HDAC8: variants seen among roughly 807,000 people sequenced by gnomAD.
The protein encoded by HDAC8 is histone deacetylase 8.
A neutral mutation model predicts 32.2 loss-of-function variants in HDAC8; 1 was observed. That is an observed-to-expected ratio of 0.03 (90% confidence interval 0.01 to 0.15). HDAC8 has a LOEUF of 0.15. Among genes scored for constraint, HDAC8 ranks in the 10% least tolerant of loss-of-function variants. The probability of loss-of-function intolerance (pLI) is 1.00; values close to 1 mark genes in which losing one functional copy is unlikely to be tolerated. For missense variants in HDAC8, 117 were observed against 300.0 expected (o/e 0.39, Z 4.51); for synonymous variants, 108 against 113.9 (o/e 0.95, Z 0.33).
intron 9 of HDAC8, among the ~76,000 whole-genome samples, chrX:72,379,244 T>C (rs1430237694): frequency 7.2e-5 from 8 of 111,605 alleles, no homozygotes; most frequent in African/African-American, 2.3e-4. Flanking sequence ...TAAATTTTGG[T>C]ACATATTTAA....
intron 7 of HDAC8, among the ~76,000 whole-genome samples, chrX:72,478,550 AACACATTGCTTTTAGCCCCTGGCAC>A (rs2048402268): frequency 8.9e-6 from 1 of 111,907 alleles, no homozygotes; most frequent in Non-Finnish European, 1.9e-5. Context: ...CCTCCAGGCA[AACACATTGCTTTTAGCCCCTGGCAC>A]ACACACGTGC....
At chrX:72,566,325 C>A (rs782689047) in intron 4 of HDAC8, among the ~76,000 whole-genome samples, 18 of 111,594 alleles carry the variant, frequency 1.6e-4, no homozygotes, top group Non-Finnish European at 1.7e-4. Flanking sequence ...AACAAACAAA[C>A]AAACAAACAA....
chrX:72,405,719 C>G (rs1206823698), intron 9 of HDAC8, among the ~76,000 whole-genome samples: 1 of 112,312 alleles, frequency 8.9e-6, no homozygotes, highest in Non-Finnish European at 1.9e-5. Context: ...TTTCTGTCCT[C>G]CATGTCTTTT....
chrX:72,372,542 C>T (rs2044911617), intron 9 of HDAC8, among the ~76,000 whole-genome samples: 1 of 111,225 alleles, frequency 9.0e-6, no homozygotes, highest in South Asian at 3.8e-4. Flanking sequence ...CATCCTCACC[C>T]TAAATCAAAC....
At chrX:72,546,110 C>T (rs782449811) in intron 4 of HDAC8, among the ~76,000 whole-genome samples, 4 of 111,451 alleles carry the variant, frequency 3.6e-5, no homozygotes, top group Non-Finnish European at 7.5e-5. Context: ...TTGATTCTAA[C>T]TGCTGGGTGG....
intron 10 of HDAC8, among the ~76,000 whole-genome samples, chrX:72,347,259 G>T (rs1243409673): frequency 8.9e-6 from 1 of 111,820 alleles, no homozygotes; most frequent in Non-Finnish European, 1.9e-5. Context: ...CAGTTTGTTA[G>T]GTTGCCATCC....
At chrX:72,443,314 A>T (rs2047242415) in intron 9 of HDAC8, among the ~76,000 whole-genome samples, 1 of 110,597 alleles carries the variant, frequency 9.0e-6, no homozygotes, top group African/African-American at 3.3e-5. Flanking sequence ...ATGTAAAAGA[A>T]CAGAAATTAT....
At chrX:72,511,372 G>T (rs965298542) in intron 4 of HDAC8, among the ~76,000 whole-genome samples, 2 of 111,503 alleles carry the variant, frequency 1.8e-5, no homozygotes, top group African/African-American at 6.5e-5. Context: ...TCCTCCACAA[G>T]AAAAAGAACA....
chrX:72,461,149 G>T (rs2047856899), intron 9 of HDAC8, among the ~76,000 whole-genome samples: 1 of 112,046 alleles, frequency 8.9e-6, no homozygotes, highest in Non-Finnish European at 1.9e-5. Context: ...AACCAAAGCA[G>T]CATCCCTAAT....
intron 9 of HDAC8, among the ~76,000 whole-genome samples, chrX:72,426,729 G>C (rs782469481): frequency 1.3e-3 from 146 of 110,532 alleles, no homozygotes; most frequent in Non-Finnish European, 2.3e-3. Context: ...GCAGTCACAA[G>C]TTTTATGCAT....
At chrX:72,454,630 T>C (rs191793545) in intron 9 of HDAC8, among the ~76,000 whole-genome samples, 196 of 112,725 alleles carry the variant, frequency 1.7e-3, no homozygotes, top group Non-Finnish European at 3.3e-3. Context: ...CATTCATTCA[T>C]AGTTAAGGGA....
intron 4 of HDAC8, among the ~76,000 whole-genome samples, chrX:72,517,278 G>C (rs2049838043): frequency 9.0e-6 from 1 of 111,156 alleles, no homozygotes; most frequent in Admixed American, 9.5e-5. Context: ...TAGGTTATTT[G>C]TCTTTTCATC....
At chrX:72,547,921 C>T (rs1180829053) in intron 4 of HDAC8, among the ~76,000 whole-genome samples, 2 of 111,559 alleles carry the variant, frequency 1.8e-5, no homozygotes, top group African/African-American at 6.5e-5. Context: ...CATCTCCTCC[C>T]ACATCTAGTT....
chrX:72,364,179 T>G (rs1284885269), intron 9 of HDAC8, among the ~76,000 whole-genome samples: 9 of 111,492 alleles, frequency 8.1e-5, no homozygotes, highest in African/African-American at 2.9e-4. Flanking sequence ...TCATCCTATT[T>G]GATCTCTCTC....
intron 4 of HDAC8, among the ~76,000 whole-genome samples, chrX:72,545,787 C>T (rs1410682599): frequency 8.9e-6 from 1 of 112,206 alleles, no homozygotes; most frequent in Non-Finnish European, 1.9e-5. Context: ...GCCTGTTCTA[C>T]AGGTGCCAGC....
intron 9 of HDAC8, among the ~76,000 whole-genome samples, chrX:72,380,909 G>A (rs1272615100): frequency 8.9e-6 from 1 of 111,747 alleles, no homozygotes; most frequent in Non-Finnish European, 1.9e-5. Context: ...TTCTTACTAA[G>A]TCTTTAAAAT....
intron 9 of HDAC8, among the ~76,000 whole-genome samples, chrX:72,365,878 G>A (rs1257723167): frequency 8.9e-6 from 1 of 111,819 alleles, no homozygotes; most frequent in Non-Finnish European, 1.9e-5. Context: ...GGGGCAAACT[G>A]GAGTTGCACT....
chrX:72,567,608 G>T, intron 4 of HDAC8: 1 of 562,610 alleles, frequency 1.8e-6, no homozygotes, highest in Non-Finnish European at 2.9e-6. Flanking sequence ...TCATTTTATT[G>T]ATGAAGAAAC....
intron 4 of HDAC8, among the ~76,000 whole-genome samples, chrX:72,497,547 T>C (rs1248659748): frequency 6.3e-5 from 7 of 111,982 alleles, no homozygotes; most frequent in Non-Finnish European, 1.3e-4. Flanking sequence ...TCTTTTCTGA[T>C]TTATCAGTGT....
Sources: gnomAD v4.1 joint callset for allele counts (sites outside exome capture counted in the v4.1 genomes callset) on GRCh38, gnomAD v4.1.1 for gene constraint, MANE v1.5 for transcripts, NCBI Gene and HGNC (gene_info 2026-07-23, HGNC 2026-07-21) for gene names.